Variants in PTCSC3 observed in about 807,000 individuals in gnomAD.
PTCSC3 encodes papillary thyroid carcinoma susceptibility candidate 3 (non-protein coding).
chr14:36,146,213 TC>T (rs1339803459), intron 3 of PTCSC3, among the ~76,000 whole-genome samples: 41 of 144,544 alleles, frequency 2.8e-4, no homozygotes, highest in African/African-American at 9.9e-4. Context: ...TTCCTGGGTA[TC>T]CTTGTTAACT....
chr14:36,154,339 C>A lies in PTCSC3; in HGVS notation n.232-445G>T, dbSNP rs75568224. ...CATTATTACTTCAATATGAAACTTA[C>A]TTTAAAAAACAGGTTATATAATAAT... On this transcript the variant is annotated intron_variant and non_coding_transcript_variant, in intron 2 of 3. Coordinates refer to ENST00000556013, the Ensembl canonical transcript of PTCSC3. 2.6e-3 allele frequency among the ~76,000 whole-genome samples: 400 copies of A among 152,146 alleles called. 2 individuals carry two copies. The highest frequency in any genetic ancestry group is 6.0e-3 in the Admixed American group (92 of 15,284).
At chr14:36,169,000 A>T (rs1348588838) in intron 1 of PTCSC3, among the ~76,000 whole-genome samples, 1 of 152,150 alleles carries the variant, frequency 6.6e-6, no homozygotes, top group East Asian at 1.9e-4. Context: ...TTAAACAGAG[A>T]TCTAAGAGAC....
chr14:36,139,824 TGATA>T (rs1011631604), intron 3 of PTCSC3, among the ~76,000 whole-genome samples: 1 of 152,234 alleles, frequency 6.6e-6, no homozygotes, highest in African/African-American at 2.4e-5. Flanking sequence ...AAACCAATAT[TGATA>T]GATTATTATT....
At chr14:36,172,498 G>T (rs1566512370) in intron 1 of PTCSC3, among the ~76,000 whole-genome samples, 1 of 152,044 alleles carries the variant, frequency 6.6e-6, no homozygotes, top group Non-Finnish European at 1.5e-5. Context: ...AGAGCCACTA[G>T]AAATTTATAG....
chr14:36,162,041 T>A, intron 2 of PTCSC3, among the ~76,000 whole-genome samples: 1 of 152,080 alleles, frequency 6.6e-6, no homozygotes, highest in East Asian at 1.9e-4. Flanking sequence ...ACCTCAGTAA[T>A]GGCAGATGCC....
At chr14:36,170,244 T>C (rs998331505) in intron 1 of PTCSC3, among the ~76,000 whole-genome samples, 1 of 152,058 alleles carries the variant, frequency 6.6e-6, no homozygotes, top group African/African-American at 2.4e-5. Context: ...ATGTTCGCAT[T>C]ATTTCTTTTT....
chr14:36,161,731 C>G (rs1881960332), intron 2 of PTCSC3, among the ~76,000 whole-genome samples: 1 of 152,198 alleles, frequency 6.6e-6, no homozygotes, highest in Non-Finnish European at 1.5e-5. Context: ...CAGTCTGACC[C>G]TTAGCAGAGC....
At chr14:36,149,023 T>G (rs1382091152) in intron 3 of PTCSC3, among the ~76,000 whole-genome samples, 1 of 151,938 alleles carries the variant, frequency 6.6e-6, no homozygotes, top group Non-Finnish European at 1.5e-5. Context: ...TTTTATTAGC[T>G]CTTTTCTTCT....
At chr14:36,164,247 A>G (rs1384313177) in intron 1 of PTCSC3, 2 of 152,344 alleles carry the variant, frequency 1.3e-5, no homozygotes, top group Non-Finnish European at 2.9e-5. Context: ...CTTAGAAGCC[A>G]TATGGATAGA....
At chr14:36,154,194 G>T (rs1235607603) in intron 2 of PTCSC3, among the ~76,000 whole-genome samples, 2 of 152,106 alleles carry the variant, frequency 1.3e-5, no homozygotes, top group Non-Finnish European at 2.9e-5. Context: ...TTAGAATAGT[G>T]GTTACCTTCA....
chr14:36,153,320 A>T (rs915940314), intron 3 of PTCSC3, among the ~76,000 whole-genome samples: 1 of 152,232 alleles, frequency 6.6e-6, no homozygotes, highest in Non-Finnish European at 1.5e-5. Context: ...CAGGGGCACA[A>T]ATATTTAGTG....
At chr14:36,156,234 T>C (rs1233227189) in intron 2 of PTCSC3, among the ~76,000 whole-genome samples, 1 of 152,180 alleles carries the variant, frequency 6.6e-6, no homozygotes. Flanking sequence ...GTTTCCTCAG[T>C]GACTGATTTT....
chr14:36,166,427 A>G lies in PTCSC3; in HGVS notation n.172-3744T>C, dbSNP rs537863641. The stretch of plus-strand genomic sequence containing the variant: ...GTTTTAAGTGAAAACACACTAATAG[A>G]TTTCCTTTATAAAAAGTTCAAATAT... On this transcript the variant is annotated intron_variant and non_coding_transcript_variant, in intron 1 of 3. Transcript: ENST00000556013. 2.0e-5 allele frequency among the ~76,000 whole-genome samples: 3 copies of G among 152,316 alleles called. 1 individual carries two copies. Among genetic ancestry groups the G allele is most frequent in the African/African-American group, 7.2e-5 (3 of 41,574 alleles).
intron 1 of PTCSC3, among the ~76,000 whole-genome samples, chr14:36,165,486 C>T (rs1882067989): frequency 6.6e-6 from 1 of 151,916 alleles, no homozygotes; most frequent in Non-Finnish European, 1.5e-5. Flanking sequence ...TTTATTTACC[C>T]CCAGCATAAT....
At chr14:36,162,257 G>GAAAAAAAAAAAAA in intron 2 of PTCSC3, among the ~76,000 whole-genome samples, 2 of 59,638 alleles carry the variant, frequency 3.4e-5, no homozygotes, top group African/African-American at 1.5e-4. Flanking sequence ...GCTGGGGTAT[G>GAAAAAAAAAAAAA]GAAAAAAAAA....
intron 3 of PTCSC3, among the ~76,000 whole-genome samples, chr14:36,146,192 G>A (rs1038062981): frequency 6.9e-6 from 1 of 144,494 alleles, no homozygotes; most frequent in African/African-American, 2.5e-5. Flanking sequence ...TTGGTGCAGA[G>A]CTGAGTTCAA....
At chr14:36,159,766 G>A (rs923063864) in intron 2 of PTCSC3, among the ~76,000 whole-genome samples, 1 of 152,098 alleles carries the variant, frequency 6.6e-6, no homozygotes, top group African/African-American at 2.4e-5. Context: ...GTTCTGCTTG[G>A]TCCAGAGCTG....
chr14:36,163,893 A>G (rs966989051), intron 1 of PTCSC3, among the ~76,000 whole-genome samples: 12 of 152,224 alleles, frequency 7.9e-5, no homozygotes, highest in African/African-American at 2.4e-4. Context: ...ACCAAGACCT[A>G]TAGTCAGACA....
At chr14:36,171,953 A>G (rs1470530650) in intron 1 of PTCSC3, among the ~76,000 whole-genome samples, 1 of 152,194 alleles carries the variant, frequency 6.6e-6, no homozygotes, top group Non-Finnish European at 1.5e-5. Flanking sequence ...CTCTCCAACT[A>G]GAAGCAATAG....
Sources: gnomAD v4.1 joint callset for allele counts (sites outside exome capture counted in the v4.1 genomes callset) on GRCh38, gnomAD v4.1.1 for gene constraint, MANE v1.5 for transcripts, NCBI Gene and HGNC (gene_info 2026-07-23, HGNC 2026-07-21) for gene names.